RABGAP1L: variants seen among roughly 807,000 people sequenced by gnomAD.
RABGAP1L encodes RAB GTPase activating protein 1 like.
A neutral mutation model predicts 137.7 loss-of-function variants in RABGAP1L; 63 were observed. The ratio of observed to expected loss-of-function variants is 0.46; its 90% CI spans 0.37 to 0.56. RABGAP1L has a LOEUF of 0.56. Among genes scored for constraint, RABGAP1L ranks in the 20% least tolerant of loss-of-function variants. The pLI, the probability that RABGAP1L is intolerant of heterozygous loss-of-function variation, is 0.00. For missense variants in RABGAP1L, 1,095 were observed against 1,244.0 expected (o/e 0.88, Z 1.80); for synonymous variants, 431 against 433.7 (o/e 0.99, Z 0.08).
At chr1:174,863,312 T>A (rs903851470) in intron 19 of RABGAP1L, among the ~76,000 whole-genome samples, 5 of 150,698 alleles carry the variant, frequency 3.3e-5, no homozygotes, top group Admixed American at 2.7e-4. Flanking sequence ...AACATTGCTG[T>A]ATTTGTCATT....
Position 174,327,964 on chromosome 1 carries a change from T to TATATATATATATAC in RABGAP1L, c.1465+22850_1465+22851insCATATATATATATA, listed in dbSNP as rs1558135807. Among the ~76,000 whole-genome samples, 9 of 13,902 alleles carry TATATATATATATAC rather than the reference T, an allele frequency of 6.5e-4. 1 individual carries two copies. The highest frequency in any genetic ancestry group is 5.1e-3 in the African/African-American group (9 of 1,754). The allele number at this position is 13,902 out of a possible 152,430, so 9.1% of individuals were successfully genotyped here. ...AGGATATAACAGTTGTAAATATATA[T>TATATATATATATAC]ATATATATATATATACACACACATA... On this transcript the variant is annotated intron_variant, in intron 11 of 25. Transcript: ENST00000681986.
At position 174,183,765 on chromosome 1, in the gene RABGAP1L, A is replaced by G. The variant is rs114081815; in HGVS notation, c.-34+24108A>G. Among the ~76,000 whole-genome samples, 987 of 151,758 alleles carry G rather than the reference A, an allele frequency of 6.5e-3. 7 individuals carry two copies. The highest frequency in any genetic ancestry group is 0.023 in the African/African-American group (939 of 41,324). ...GCTCTAAAAATCCTGTCTTCAGCCT[A>G]TTCCTCCCTCCCTGGACCCTAGTTT... On this transcript the variant is annotated intron_variant, in intron 1 of 25. Coordinates refer to ENST00000681986, the MANE Select transcript of RABGAP1L (RefSeq NM_001366446.1).
intron 8 of RABGAP1L, among the ~76,000 whole-genome samples, 163 bp from the exon 9 acceptor site, chr1:174,275,670 A>G (rs1011019497): frequency 6.6e-6 from 1 of 152,218 alleles, no homozygotes; most frequent in Non-Finnish European, 1.5e-5. Context: ...TAATATTTAA[A>G]TAAATGCTTT....
At chr1:174,784,011 C>CTTTTTTTTTTT (rs3085670) in intron 18 of RABGAP1L, among the ~76,000 whole-genome samples, 4 of 52,140 alleles carry the variant, frequency 7.7e-5, no homozygotes, top group Admixed American at 3.0e-4. Context: ...TCTTCTTCTT[C>CTTTTTTTTTTT]TTTTTTTTTT....
intron 11 of RABGAP1L, among the ~76,000 whole-genome samples, chr1:174,351,528 C>G (rs1380048229): frequency 2.0e-5 from 3 of 152,110 alleles, no homozygotes; most frequent in African/African-American, 7.2e-5. Context: ...ACTGAGAAGT[C>G]TGCTTGCCAG....
Position 174,358,598 on chromosome 1 carries a change from G to A in RABGAP1L, c.1466-12381G>A, listed in dbSNP as rs1297961648. On this transcript the variant is annotated intron_variant, in intron 11 of 25. Transcript: ENST00000681986. ...GAGTACGTGACTGCTTCTTCACCCA[G>A]GATGGCCTCCTGGTTCTGTTTTACT... Among the ~76,000 whole-genome samples, 3 of 152,186 alleles carry A rather than the reference G, an allele frequency of 2.0e-5. No homozygotes were observed. The East Asian group carries it at 5.8e-4, about 29-fold the overall frequency.
chr1:174,482,461 G>GCC (rs987233843), intron 13 of RABGAP1L, among the ~76,000 whole-genome samples: 3 of 152,084 alleles, frequency 2.0e-5, no homozygotes, highest in African/African-American at 7.2e-5. Flanking sequence ...TGAAGAAGGA[G>GCC]CCCAGATAAG....
At chr1:174,615,385 C>G (rs1671723147) in intron 13 of RABGAP1L, among the ~76,000 whole-genome samples, 1 of 152,206 alleles carries the variant, frequency 6.6e-6, no homozygotes, top group Non-Finnish European at 1.5e-5. Flanking sequence ...GGCTGCAGAA[C>G]TGCGGATTTT....
At chr1:174,307,593 A>C (rs1057213421) in intron 11 of RABGAP1L, among the ~76,000 whole-genome samples, 12 of 152,162 alleles carry the variant, frequency 7.9e-5, no homozygotes, top group African/African-American at 2.9e-4. Flanking sequence ...CACTTAGCAC[A>C]GTGTTTTCTG....
chr1:174,601,125 G>A (rs1340555197), intron 13 of RABGAP1L, among the ~76,000 whole-genome samples: 1 of 152,242 alleles, frequency 6.6e-6, no homozygotes, highest in Non-Finnish European at 1.5e-5. Context: ...GCCACAGCCT[G>A]AGCTGTACAT....
chr1:174,292,131 G>A lies in RABGAP1L; in HGVS notation c.1324-12855G>A, dbSNP rs115728461. ...TAGTTCACTGTAGTGTTGAACTCCT[G>A]GGCTCAAGCGAGTCTCCCATCTCTG... On this transcript the variant is annotated intron_variant, in intron 10 of 25. Coordinates refer to ENST00000681986, the MANE Select transcript of RABGAP1L (RefSeq NM_001366446.1). 6.9e-3 allele frequency among the ~76,000 whole-genome samples: 1,035 copies of A among 149,844 alleles called. 16 individuals carry two copies. Among genetic ancestry groups the A allele is most frequent in the African/African-American group, 0.024 (994 of 40,912 alleles).
At chr1:174,327,008 A>G (rs1236253688) in intron 11 of RABGAP1L, among the ~76,000 whole-genome samples, 1 of 152,208 alleles carries the variant, frequency 6.6e-6, no homozygotes, top group Non-Finnish European at 1.5e-5. Flanking sequence ...GGCATTCTCA[A>G]ACAAAAGCTG....
chr1:174,243,363 G>A (rs563204638), intron 5 of RABGAP1L, among the ~76,000 whole-genome samples: 4 of 152,172 alleles, frequency 2.6e-5, no homozygotes, highest in African/African-American at 7.2e-5. Flanking sequence ...TCCATTGCAC[G>A]TTGTAAGAAA....
intron 19 of RABGAP1L, among the ~76,000 whole-genome samples, chr1:174,855,035 G>A (rs1649066843): frequency 6.6e-6 from 1 of 151,968 alleles, no homozygotes; most frequent in African/African-American, 2.4e-5. Context: ...ACCACACCCA[G>A]CCCATAAATG....
chr1:174,928,151 G>A (rs1663147078), intron 19 of RABGAP1L, among the ~76,000 whole-genome samples: 1 of 152,084 alleles, frequency 6.6e-6, no homozygotes, highest in Non-Finnish European at 1.5e-5. Context: ...CAGCAAATCA[G>A]TCATTCCTTG....
chr1:174,416,664 G>T lies in RABGAP1L; in HGVS notation c.1710+22519G>T, dbSNP rs146282678. Among the ~76,000 whole-genome samples the T allele has an allele frequency of 3.8e-3, 581 of 152,122 alleles. 14 individuals are homozygous for T. Among genetic ancestry groups the T allele is most frequent in the Admixed American group, 0.032 (494 of 15,274 alleles). ...ATATATAAACAAACGTGTTTGTCAT[G>T]CAAGATGAAAATTTAAAAATCTAAC... On this transcript the variant is annotated intron_variant, in intron 13 of 25. Transcript: ENST00000681986.
At chr1:174,635,805 C>G (rs1296942506) in intron 13 of RABGAP1L, among the ~76,000 whole-genome samples, 2 of 152,110 alleles carry the variant, frequency 1.3e-5, no homozygotes, top group Non-Finnish European at 2.9e-5. Context: ...CATGAAATAG[C>G]AACTGAAATG....
chr1:174,217,034 GGTA>G (rs763225353), intron 1 of RABGAP1L, among the ~76,000 whole-genome samples: 4 of 152,090 alleles, frequency 2.6e-5, no homozygotes, highest in Non-Finnish European at 4.4e-5. Context: ...GGACTAGAGT[GGTA>G]GTAGTAGTAG....
At chr1:174,177,456 T>G (rs1665981706) in intron 1 of RABGAP1L, among the ~76,000 whole-genome samples, 1 of 152,244 alleles carries the variant, frequency 6.6e-6, no homozygotes, top group Admixed American at 6.5e-5. Context: ...TGATAGTTTC[T>G]TTTGCTGTGC....
Sources: gnomAD v4.1 joint callset for allele counts (sites outside exome capture counted in the v4.1 genomes callset) on GRCh38, gnomAD v4.1.1 for gene constraint, MANE v1.5 for transcripts, NCBI Gene and HGNC (gene_info 2026-07-23, HGNC 2026-07-21) for gene names.